The following RTRAF variants were observed in gnomAD, a reference collection of about 807,000 sequenced individuals.
RTRAF encodes the protein tRNA-splicing ligase complex subunit RTRAF.
A neutral mutation model predicts 34.4 loss-of-function variants in RTRAF; 14 were observed. The ratio of observed to expected loss-of-function variants is 0.41; its 90% CI spans 0.27 to 0.64. RTRAF has a LOEUF of 0.64. RTRAF is among the 30% of genes least tolerant of loss of function. The pLI is 0.34. For missense variants in RTRAF, 291 were observed against 288.4 expected (o/e 1.01, Z -0.06); for synonymous variants, 96 against 95.3 (o/e 1.01, Z -0.04).
chr14:52,007,725 G>C lies in RTRAF; in HGVS notation c.*3209G>C. On this transcript the variant is annotated 3_prime_UTR_variant, in exon 8 of 8. Coordinates refer to ENST00000261700, the MANE Select transcript of RTRAF (RefSeq NM_016039.3). ...CCAAAGAAAGGAGATCTAAGTGATG[G>C]GATTTCATTTTGTAGTAAAATCTGT... 8.4e-7 allele frequency: 1 copy of C among 1,186,486 alleles called. No homozygotes were observed. Among genetic ancestry groups the C allele is most frequent in the Non-Finnish European group, 1.2e-6 (1 of 815,466 alleles). The allele number at this position is 1,186,486 out of a possible 1,614,324, so 73.5% of individuals were successfully genotyped here.
chr14:52,010,243 A>G lies in RTRAF; in HGVS notation c.*5727A>G, dbSNP rs1344133913. The G allele has an allele frequency of 6.6e-6, 1 of 152,250 alleles. No individual in the cohort carries two copies. Among genetic ancestry groups the G allele is most frequent in the African/African-American group, 2.4e-5 (1 of 41,466 alleles). The allele number at this position is 152,250 out of a possible 1,614,324, so 9.4% of individuals were successfully genotyped here. On this transcript the variant is annotated 3_prime_UTR_variant, in exon 8 of 8. Coordinates refer to ENST00000261700, the MANE Select transcript of RTRAF (RefSeq NM_016039.3). ...GGTTTTCTTTACTGATTTGAAGGGC[A>G]TCTGGGAATTTCATTTCGTAGAAAC...
chr14:51,998,713 T>G (rs1450605753), intron 4 of RTRAF, 133 bp downstream of exon 4: 4 of 485,234 alleles, frequency 8.2e-6, no homozygotes, highest in Non-Finnish European at 1.5e-5. Context: ...GCATTTATGT[T>G]AACATTTTAT....
chr14:52,004,622 A>AAAATTGGGTATGTTCTAG lies in RTRAF; in HGVS notation c.*108_*125dup. ...CACATTCTCGGGGGAGGAAGCCCAGAAAATTGGGTATGTTCTAGAGATTTA... is the reference window on the plus strand; with the variant it reads ...CACATTCTCGGGGGAGGAAGCCCAGAAAATTGGGTATGTTCTAGAAATTGGGTATGTTCTAGAGATTTA... On this transcript the variant is annotated 3_prime_UTR_variant, in exon 8 of 8. Coordinates refer to ENST00000261700, the MANE Select transcript of RTRAF (RefSeq NM_016039.3). 1 of 1,118,108 alleles carries AAAATTGGGTATGTTCTAG rather than the reference A, an allele frequency of 8.9e-7. No individual in the cohort carries two copies. The allele number at this position is 1,118,108 out of a possible 1,614,324, so 69.3% of individuals were successfully genotyped here. A position where few individuals can be genotyped will look rare whatever the true frequency, so the allele number is the denominator to read the frequency against.
intron 6 of RTRAF, among the ~76,000 whole-genome samples, chr14:52,003,857 G>A (rs886368111): frequency 2.0e-5 from 3 of 152,190 alleles, no homozygotes; most frequent in African/African-American, 7.2e-5. Context: ...AAATAAGACA[G>A]TAACAGCCTG....
At position 52,009,102 on chromosome 14, in the gene RTRAF, GGA is replaced by G; in HGVS notation, c.*4590_*4591del. 6.6e-6 allele frequency: 1 copy of G among 152,170 alleles called. No homozygotes were observed. The highest frequency in any genetic ancestry group is 1.9e-4 in the East Asian group (1 of 5,190). 9.4% of individuals were successfully genotyped at this position (152,170 alleles called of 1,614,324 possible). ...TGGGCTACAGAGAACCTCAGTGAGAGGAGAGGAAGAAACCATAGGTTTCCCCT... is the reference window on the plus strand; with the variant it reads ...TGGGCTACAGAGAACCTCAGTGAGAGGAGGAAGAAACCATAGGTTTCCCCT... On this transcript the variant is annotated 3_prime_UTR_variant, in exon 8 of 8. Transcript: ENST00000261700.
chr14:51,989,970 A>G (rs1026900662), intron 1 of RTRAF, among the ~76,000 whole-genome samples: 1 of 152,176 alleles, frequency 6.6e-6, no homozygotes, highest in African/African-American at 2.4e-5. Context: ...CTGTACATAA[A>G]AGGGAGAGCA....
intron 3 of RTRAF, among the ~76,000 whole-genome samples, chr14:51,995,583 G>A (rs1890506332): frequency 6.6e-6 from 1 of 152,072 alleles, no homozygotes; most frequent in Admixed American, 6.6e-5. Flanking sequence ...GGGGGTACAG[G>A]TCAATATTGT....
rs927884733 is a variant in RTRAF, at chr14:52,008,169, G to C, written c.*3653G>C. 4 of 458,960 alleles carry C rather than the reference G, an allele frequency of 8.7e-6. No individual in the cohort carries two copies. The highest frequency in any genetic ancestry group is 1.5e-5 in the Non-Finnish European group (4 of 262,318). 28.4% of individuals were successfully genotyped at this position (458,960 alleles called of 1,614,324 possible). On this transcript the variant is annotated 3_prime_UTR_variant, in exon 8 of 8. Transcript: ENST00000261700. ...TGATAGGCTATCACTGCCGATATTCGGTCTCAAAAAACTGGTTTCTGCCTT... is the reference window on the plus strand; with the variant it reads ...TGATAGGCTATCACTGCCGATATTCCGTCTCAAAAAACTGGTTTCTGCCTT...
At chr14:51,993,172 ATTAT>A (rs1295837400) in intron 2 of RTRAF, among the ~76,000 whole-genome samples, 8 of 152,202 alleles carry the variant, frequency 5.3e-5, no homozygotes, top group Non-Finnish European at 1.2e-4. Context: ...AGTTGATTTT[ATTAT>A]AATCTTATAT....
chr14:52,006,373 G>T lies in RTRAF; in HGVS notation c.*1857G>T. On this transcript the variant is annotated 3_prime_UTR_variant, in exon 8 of 8. Coordinates refer to ENST00000261700, the MANE Select transcript of RTRAF (RefSeq NM_016039.3). ...GATGATTTCAAAAACATGAAAGGAT[G>T]AAAAACATCCTTGAAGGATCTTATC... 1 of 723,848 alleles carries T rather than the reference G, an allele frequency of 1.4e-6. No individual in the cohort carries two copies. 44.8% of individuals were successfully genotyped at this position (723,848 alleles called of 1,614,324 possible).
At chr14:51,999,635 T>C (rs1890571296) in intron 4 of RTRAF, 73 bp from the exon 5 acceptor site, 3 of 1,053,596 alleles carry the variant, frequency 2.8e-6, no homozygotes, top group Non-Finnish European at 4.2e-6. Context: ...AATGTTTTTG[T>C]ATGTTCACAA....
In RTRAF at chr14:52,004,237, C is replaced by T. The variant is rs764033023; in HGVS notation, c.575C>T (p.Thr192Ile). Reference sequence around the variant, plus strand: ...GACAAACATATTCTTGGTTTTGACACAGGAGGTAAGTGATTTTGTTTAAAT... The same window carrying T: ...GACAAACATATTCTTGGTTTTGACATAGGAGGTAAGTGATTTTGTTTAAAT... The part of the protein sequence containing the change: ...ALDKHILGFD[T>I]GDAVLNEAAQ... The change falls in exon 7 of 8, where the codon ACA becomes ATA. Residue 192 changes from threonine to isoleucine, a missense_variant. Thr to Ile is a moderately conservative substitution (Grantham distance 89). Transcript: ENST00000261700. The T allele has an allele frequency of 6.2e-7, 1 of 1,613,320 alleles. No homozygotes were observed. Among genetic ancestry groups the T allele is most frequent in the Non-Finnish European group, 8.5e-7 (1 of 1,179,506 alleles).
chr14:52,007,005 A>G lies in RTRAF; in HGVS notation c.*2489A>G, dbSNP rs1219483415. 1.8e-5 allele frequency: 3 copies of G among 166,378 alleles called. No homozygotes were observed. The highest frequency in any genetic ancestry group is 1.7e-4 in the Admixed American group (3 of 17,172). The allele number at this position is 166,378 out of a possible 1,614,324, so 10.3% of individuals were successfully genotyped here. ...GGTAAATACTTGCCCTTTGTAAGCT[A>G]TGTCTATAATTACTGAGGCAACCTT... On this transcript the variant is annotated 3_prime_UTR_variant, in exon 8 of 8. Transcript: ENST00000261700.
At chr14:51,992,670 T>A (rs1874567) in intron 2 of RTRAF, among the ~76,000 whole-genome samples, 27,681 of 152,184 alleles carry the variant, frequency 0.18, 3,190 homozygotes, top group East Asian at 0.52. Flanking sequence ...ATATTACATT[T>A]TATGGTCTAT....
chr14:51,995,301 TCTTTC>T (rs1347031657), intron 3 of RTRAF, among the ~76,000 whole-genome samples: 1 of 152,104 alleles, frequency 6.6e-6, no homozygotes, highest in African/African-American at 2.4e-5. Flanking sequence ...GGAATCTGTT[TCTTTC>T]CTTTTTTAAC....
rs1890430880 is a variant in RTRAF at position 51,991,321 on chromosome 14, A to C, written c.66A>C (p.Glu22Asp). ...ATGTGATATTTTTTATTGCAGATGAAACAGAATTTAGAAACTTCATCGTTT... is the reference window on the plus strand; with the variant it reads ...ATGTGATATTTTTTATTGCAGATGACACAGAATTTAGAAACTTCATCGTTT... ...HNPAGFNCKD[E>D]TEFRNFIVWL... The change falls in exon 2 of 8, where the codon GAA (glutamate) becomes GAC (aspartate). Residue 22 changes from glutamate (E) to aspartate (D), a missense_variant. By Grantham distance (45) the Glu-to-Asp change is conservative. Coordinates refer to ENST00000261700, the MANE Select transcript of RTRAF (RefSeq NM_016039.3). 6.2e-7 allele frequency: 1 copy of C among 1,612,988 alleles called. No homozygotes were observed. Among genetic ancestry groups the C allele is most frequent in the East Asian group, 2.2e-5 (1 of 44,818 alleles).
At chr14:51,991,084 A>T (rs1890426908) in intron 1 of RTRAF, among the ~76,000 whole-genome samples, 1 of 152,232 alleles carries the variant, frequency 6.6e-6, no homozygotes, top group African/African-American at 2.4e-5. Context: ...AATGTGGGTG[A>T]TTATCCCAAG....
chr14:51,993,870 A>C, intron 3 of RTRAF, 48 bp downstream of exon 3: 1 of 1,161,950 alleles, frequency 8.6e-7, no homozygotes, highest in Non-Finnish European at 1.2e-6. Context: ...GAAAGATGGG[A>C]AAGGGAGTGT....
In RTRAF at chr14:52,006,324, T is replaced by C. The variant is rs1890780607; in HGVS notation, c.*1808T>C. 1.9e-6 allele frequency: 1 copy of C among 530,990 alleles called. No homozygotes were observed. The highest frequency in any genetic ancestry group is 2.2e-5 in the South Asian group (1 of 44,934). The allele number at this position is 530,990 out of a possible 1,614,324, so 32.9% of individuals were successfully genotyped here. A position where few individuals can be genotyped will look rare whatever the true frequency, so the allele number is the denominator to read the frequency against. ...TTTAAGCTATATGTGAGCAATACCA[T>C]TCGATTTCTGGGTGAAGTAAAAGGA... On this transcript the variant is annotated 3_prime_UTR_variant, in exon 8 of 8. Transcript: ENST00000261700.
Sources: allele counts gnomAD v4.1 joint callset (sites outside exome capture counted in the v4.1 genomes callset), GRCh38; gene constraint gnomAD v4.1.1; transcripts MANE v1.5; gene names NCBI Gene and HGNC (gene_info 2026-07-23, HGNC 2026-07-21).